MEIKIN: variants seen among roughly 807,000 people sequenced by gnomAD.
MEIKIN encodes meiosis-specific kinetochore protein.
At chr5:131,919,654 C>G (rs578222617) in intron 6 of MEIKIN, among the ~76,000 whole-genome samples, 1 of 152,150 alleles carries the variant, frequency 6.6e-6, no homozygotes, top group South Asian at 2.1e-4. Flanking sequence ...TAGCACGGTA[C>G]CCTTCATGTA....
chr5:131,902,426 T>C, intron 8 of MEIKIN, among the ~76,000 whole-genome samples: 1 of 151,798 alleles, frequency 6.6e-6, no homozygotes, highest in Non-Finnish European at 1.5e-5. Context: ...GAGTGAGATC[T>C]TTCTCAATTT....
At chr5:131,934,560 T>C (rs1751743082) in intron 4 of MEIKIN, among the ~76,000 whole-genome samples, 1 of 152,178 alleles carries the variant, frequency 6.6e-6, no homozygotes, top group Admixed American at 6.5e-5. Context: ...TTCCATCATG[T>C]AAAGAAATTA....
chr5:131,898,061 T>C (rs1428054524), intron 8 of MEIKIN, among the ~76,000 whole-genome samples: 2 of 152,236 alleles, frequency 1.3e-5, no homozygotes, highest in Non-Finnish European at 2.9e-5. Context: ...TGGTCTTTGA[T>C]GTTGGTGCCC....
intron 5 of MEIKIN, among the ~76,000 whole-genome samples, chr5:131,927,335 T>C (rs1751603301): frequency 1.3e-5 from 2 of 152,238 alleles, no homozygotes; most frequent in Non-Finnish European, 2.9e-5. Context: ...GAAAAGATAC[T>C]TGGTATGTTT....
At chr5:131,892,045 C>A (rs1477143114) in intron 8 of MEIKIN, among the ~76,000 whole-genome samples, 1 of 152,032 alleles carries the variant, frequency 6.6e-6, no homozygotes, top group African/African-American at 2.4e-5. Context: ...ATATTGGCCC[C>A]CACTCTCTTC....
rs1044365155 is a variant in MEIKIN at position 131,836,260 on chromosome 5, G to A, written c.975+15004C>T. On this transcript the variant is annotated intron_variant, in intron 11 of 12. Coordinates refer to ENST00000442687, the MANE Select transcript of MEIKIN (RefSeq NM_001303622.2). ...TTTTATGGCTGCATAGTATTCCATG[G>A]TGTATATGTACCACATTTTCTTTGT... Among the ~76,000 whole-genome samples the A allele has an allele frequency of 5.9e-5, 9 of 152,230 alleles. No homozygotes were observed. The East Asian group carries it at 1.7e-3, about 29-fold the overall frequency.
rs148275513 is a variant in MEIKIN at position 131,825,030 on chromosome 5, AAAG to A, written c.976-6170_976-6168del. On this transcript the variant is annotated intron_variant, in intron 11 of 12. Transcript: ENST00000442687. ...GGGAGACTTCATTTTACTGAAAAAA[AAAG>A]AAGAAGAAGAAGAAGAAGAAGCTGG... 7.5e-4 allele frequency among the ~76,000 whole-genome samples: 114 copies of A among 151,590 alleles called. 1 individual carries two copies. Among genetic ancestry groups the A allele is most frequent in the African/African-American group, 2.4e-3 (100 of 41,160 alleles).
At chr5:131,887,480 A>G (rs1750820051) in intron 8 of MEIKIN, among the ~76,000 whole-genome samples, 2 of 152,156 alleles carry the variant, frequency 1.3e-5, no homozygotes, top group South Asian at 4.1e-4. Flanking sequence ...ATATTTCTCC[A>G]CATCCTCTCT....
chr5:131,860,153 T>G (rs1219153073), intron 9 of MEIKIN, among the ~76,000 whole-genome samples: 2 of 152,180 alleles, frequency 1.3e-5, no homozygotes, highest in Non-Finnish European at 2.9e-5. Flanking sequence ...AGTATGGTCA[T>G]GTCTAATGAT....
chr5:131,816,144 T>C (rs1428531383), intron 12 of MEIKIN, among the ~76,000 whole-genome samples: 1 of 152,220 alleles, frequency 6.6e-6, no homozygotes, highest in African/African-American at 2.4e-5. Context: ...TTGTAGCATG[T>C]TAGGCAAAAG....
At chr5:131,844,104 T>C (rs1749968245) in intron 11 of MEIKIN, among the ~76,000 whole-genome samples, 1 of 152,000 alleles carries the variant, frequency 6.6e-6, no homozygotes, top group Admixed American at 6.6e-5. Context: ...TGCCACACAC[T>C]TTCAAACAAC....
intron 8 of MEIKIN, among the ~76,000 whole-genome samples, chr5:131,884,091 A>G (rs1338066804): frequency 7.0e-6 from 1 of 142,992 alleles, no homozygotes. Context: ...CTAGGCTACA[A>G]GGACTGTAAC....
chr5:131,852,874 GA>G (rs11315485), intron 10 of MEIKIN, among the ~76,000 whole-genome samples: 119,000 of 151,868 alleles, frequency 0.78, 46,852 homozygotes, highest in African/African-American at 0.83. Context: ...GTTTTGCCAC[GA>G]AAAAAATCAT....
At chr5:131,888,544 T>G (rs1386388636) in intron 8 of MEIKIN, among the ~76,000 whole-genome samples, 1 of 152,116 alleles carries the variant, frequency 6.6e-6, no homozygotes, top group Non-Finnish European at 1.5e-5. Flanking sequence ...TTCGCCCACT[T>G]TTTGATGGGG....
At position 131,897,885 on chromosome 5, in the gene MEIKIN, C is replaced by T. The variant is rs184504553; in HGVS notation, c.703+13930G>A. Reference sequence around the variant, plus strand: ...TCAGAGAAGTTTGTTATTACCAACCCTCTGAAGCCTACTTCCGTCAACTCA... The same window carrying T: ...TCAGAGAAGTTTGTTATTACCAACCTTCTGAAGCCTACTTCCGTCAACTCA... On this transcript the variant is annotated intron_variant, in intron 8 of 12. Coordinates refer to ENST00000442687, the MANE Select transcript of MEIKIN (RefSeq NM_001303622.2). 2.9e-3 allele frequency among the ~76,000 whole-genome samples: 438 copies of T among 152,230 alleles called. 3 individuals are homozygous for T. The highest frequency in any genetic ancestry group is 0.01 in the African/African-American group (418 of 41,536).
intron 11 of MEIKIN, among the ~76,000 whole-genome samples, chr5:131,830,942 G>C (rs60151594): frequency 6.6e-6 from 1 of 151,860 alleles, no homozygotes; most frequent in Non-Finnish European, 1.5e-5. Flanking sequence ...CTTTCACCCA[G>C]GCTGGAGTGC....
At chr5:131,899,721 A>G (rs923989835) in intron 8 of MEIKIN, among the ~76,000 whole-genome samples, 11 of 152,190 alleles carry the variant, frequency 7.2e-5, no homozygotes, top group Non-Finnish European at 1.6e-4. Flanking sequence ...TTTCAAGACA[A>G]AGAAGGTTAT....
intron 8 of MEIKIN, among the ~76,000 whole-genome samples, chr5:131,886,018 C>T (rs149789822): frequency 2.0e-5 from 3 of 152,146 alleles, no homozygotes; most frequent in East Asian, 3.9e-4. Flanking sequence ...GCAACTGACA[C>T]GTTGAAGAAT....
intron 8 of MEIKIN, among the ~76,000 whole-genome samples, chr5:131,896,828 T>G (rs1751061026): frequency 6.6e-6 from 1 of 152,244 alleles, no homozygotes; most frequent in Admixed American, 6.5e-5. Flanking sequence ...GTCTTGACTC[T>G]TTATCCAATT....
Sources: gnomAD v4.1 joint callset for allele counts (sites outside exome capture counted in the v4.1 genomes callset) on GRCh38, gnomAD v4.1.1 for gene constraint, MANE v1.5 for transcripts, NCBI Gene and HGNC (gene_info 2026-07-23, HGNC 2026-07-21) for gene names.